ELP2: variants seen among roughly 807,000 people sequenced by gnomAD.
The protein encoded by ELP2 is elongator complex protein 2.
A neutral mutation model predicts 119.2 loss-of-function variants in ELP2; 90 were observed. That is an observed-to-expected ratio of 0.75 (90% CI 0.64 to 0.90). ELP2 has a LOEUF of 0.90. Among genes scored for constraint, ELP2 ranks in the 40% least tolerant of loss-of-function variants. The pLI, the probability that ELP2 is intolerant of heterozygous loss-of-function variation, is 0.00. For missense variants in ELP2, 921 were observed against 967.8 expected, an observed-to-expected ratio of 0.95 and a Z score of 0.64; for synonymous variants, 339 against 331.0, an observed-to-expected ratio of 1.02 and a Z score of -0.26.
chr18:36,139,504 T>G, intron 5 of ELP2: 1 of 1,535,730 alleles, frequency 6.5e-7, no homozygotes, highest in Admixed American at 2.0e-5. Context: ...GCTGCGACTC[T>G]ATGGTTTCAT....
intron 19 of ELP2, 66 bp from the exon 20 acceptor site, chr18:36,169,997 A>T (rs1449613444): frequency 6.2e-7 from 1 of 1,602,542 alleles, no homozygotes; most frequent in Non-Finnish European, 8.5e-7. Context: ...TGCCGATGAA[A>T]CTGTAGTACA....
chr18:36,140,957 G>A (rs750267506), intron 5 of ELP2, among the ~76,000 whole-genome samples, 180 bp from the exon 6 acceptor site: 8 of 152,154 alleles, frequency 5.3e-5, no homozygotes, highest in Non-Finnish European at 1.2e-4. Context: ...TGAATAGAAC[G>A]TTTTAGAGTG....
chr18:36,151,973 A>AG, intron 11 of ELP2, among the ~76,000 whole-genome samples: 1 of 142,050 alleles, frequency 7.0e-6, no homozygotes, highest in Non-Finnish European at 1.5e-5. Flanking sequence ...AGGCTGGTCA[A>AG]CTCCTGACCG....
intron 8 of ELP2, among the ~76,000 whole-genome samples, chr18:36,143,178 C>T (rs191296305): frequency 3.1e-4 from 47 of 152,034 alleles, no homozygotes; most frequent in African/African-American, 1.1e-3. Flanking sequence ...TCACTGCAAC[C>T]TCCGTCTCCC....
chr18:36,137,803 CAAAAAAAA>C (rs57722627), intron 3 of ELP2, among the ~76,000 whole-genome samples: 12 of 103,698 alleles, frequency 1.2e-4, no homozygotes, highest in East Asian at 6.4e-4. Flanking sequence ...ATATTATCAC[CAAAAAAAA>C]AAAAAAAAAA....
At chr18:36,130,133 C>T in intron 1 of ELP2, 62 bp downstream of exon 1, 1 of 1,609,486 alleles carries the variant, frequency 6.2e-7, no homozygotes, top group South Asian at 1.1e-5. Flanking sequence ...TGGACGTGCT[C>T]CGGGCGCGCT....
At chr18:36,162,404 CCTT>C (rs1161558943) in intron 17 of ELP2, among the ~76,000 whole-genome samples, 1 of 152,102 alleles carries the variant, frequency 6.6e-6, no homozygotes, top group Non-Finnish European at 1.5e-5. Flanking sequence ...GTAGTTCATG[CCTT>C]CTTAATGCTG....
intron 10 of ELP2, 37 bp downstream of exon 10, chr18:36,146,085 G>A: frequency 6.2e-7 from 1 of 1,601,048 alleles, no homozygotes; most frequent in Non-Finnish European, 8.6e-7. Flanking sequence ...AGAAAATTAA[G>A]TTTTGAACTC....
At chr18:36,169,890 T>C in intron 19 of ELP2, 173 bp from the exon 20 acceptor site, 1 of 840,452 alleles carries the variant, frequency 1.2e-6, no homozygotes, top group Non-Finnish European at 1.9e-6. Flanking sequence ...CCGTGCCTTC[T>C]TTCTGATGCT....
At chr18:36,148,990 G>A (rs1427935025) in intron 11 of ELP2, among the ~76,000 whole-genome samples, 2 of 152,228 alleles carry the variant, frequency 1.3e-5, no homozygotes, top group East Asian at 1.9e-4. Context: ...ATCTTGTCAG[G>A]TTTCAGAAGG....
chr18:36,145,008 T>A lies in ELP2; in HGVS notation c.866T>A (p.Val289Asp). ...GGTCATGAAAACTGGGTAAATGCAGTTCACTGGCAACCTGTGTTTTACAAA... is the reference window on the plus strand; with the variant it reads ...GGTCATGAAAACTGGGTAAATGCAGATCACTGGCAACCTGTGTTTTACAAA... ...LAGHENWVNA[V>D]HWQPVFYKDG... Residue 289 changes from valine (V) to aspartate (D), a missense_variant, in exon 9 of 22, where the codon GTT becomes GAT. By Grantham distance (152) the Val-to-Asp change is radical (BLOSUM62 -3). Coordinates refer to ENST00000358232, the MANE Select transcript of ELP2 (RefSeq NM_018255.4). 6.2e-7 allele frequency: 1 copy of A among 1,613,962 alleles called. No individual in the cohort carries two copies. The highest frequency in any genetic ancestry group is 8.5e-7 in the Non-Finnish European group (1 of 1,179,830).
chr18:36,159,760 T>G lies in ELP2; in HGVS notation c.1560T>G (p.Asp520Glu). 6.2e-7 allele frequency: 1 copy of G among 1,613,922 alleles called. No individual in the cohort carries two copies. The highest frequency in any genetic ancestry group is 8.5e-7 in the Non-Finnish European group (1 of 1,179,860). ...FQGDIASQPS[D>E]EEELLTSTGF... The stretch of plus-strand genomic sequence containing the variant: ...GAGATATAGCTTCTCAGCCTTCTGA[T>G]GAAGAGGAGCTGTTAACTAGTACTG... Residue 520 changes from aspartate (D) to glutamate (E), a missense_variant, in exon 15 of 22, where the codon GAT becomes GAG. Transcript: ENST00000358232.
chr18:36,134,058 A>G (rs2046495678), intron 2 of ELP2, among the ~76,000 whole-genome samples: 1 of 151,854 alleles, frequency 6.6e-6, no homozygotes, highest in Non-Finnish European at 1.5e-5. Context: ...TCGTACTCCT[A>G]ACCTCAAGCA....
rs557332953 is a variant in ELP2 at position 36,178,565 on chromosome 18, T to C, written c.*3924T>C. ...AGCAAATTTGAACTCTGGCTGGATA[T>C]TTGATGATATTAAGGAAACAACATT... On this transcript the variant is annotated 3_prime_UTR_variant, in exon 22 of 22. Coordinates refer to ENST00000358232, the MANE Select transcript of ELP2 (RefSeq NM_018255.4). 18 of 152,228 alleles carry C rather than the reference T, an allele frequency of 1.2e-4. No homozygotes were observed. Among genetic ancestry groups the C allele is most frequent in the African/African-American group, 3.6e-4 (15 of 41,552 alleles). 9.4% of individuals were successfully genotyped at this position (152,228 alleles called of 1,614,324 possible). A position where few individuals can be genotyped will look rare whatever the true frequency, so the allele number is the denominator to read the frequency against.
intron 18 of ELP2, among the ~76,000 whole-genome samples, chr18:36,166,713 T>C (rs2090919996): frequency 6.6e-6 from 1 of 152,238 alleles, no homozygotes; most frequent in South Asian, 2.1e-4. Flanking sequence ...AAATATTTTC[T>C]TAAGATTTCT....
At chr18:36,150,549 C>T (rs2090363259) in intron 11 of ELP2, among the ~76,000 whole-genome samples, 1 of 152,186 alleles carries the variant, frequency 6.6e-6, no homozygotes. Flanking sequence ...TACTCTAGTC[C>T]AAACCCCAGT....
intron 1 of ELP2, 136 bp downstream of exon 1, chr18:36,130,207 C>G (rs1785900): frequency 8.6e-7 from 1 of 1,157,460 alleles, no homozygotes. Flanking sequence ...GGTTTGGGCT[C>G]GGAGTCTCCA....
At chr18:36,157,296 A>G (rs1034206538) in intron 13 of ELP2, among the ~76,000 whole-genome samples, 1 of 152,208 alleles carries the variant, frequency 6.6e-6, no homozygotes, top group Non-Finnish European at 1.5e-5. Flanking sequence ...ACAGAAGTGC[A>G]TATTATACAG....
rs1363981404 is a variant in ELP2, at chr18:36,178,674, C to G, written c.*4033C>G. ...ACTGGGTTTTGCAGTGTTACCTAAG[C>G]TGGTCTTGAACTCCTGGGCTCAAGC... On this transcript the variant is annotated 3_prime_UTR_variant, in exon 22 of 22. Transcript: ENST00000358232. 1.9e-4 allele frequency: 28 copies of G among 147,966 alleles called. No homozygotes were observed. Among genetic ancestry groups the G allele is most frequent in the African/African-American group, 5.7e-4 (23 of 40,092 alleles). 9.2% of individuals were successfully genotyped at this position (147,966 alleles called of 1,614,324 possible).
Sources: allele counts gnomAD v4.1 joint callset (sites outside exome capture counted in the v4.1 genomes callset), GRCh38; gene constraint gnomAD v4.1.1; transcripts MANE v1.5; gene names NCBI Gene and HGNC (gene_info 2026-07-23, HGNC 2026-07-21).